Variants in MIA3 observed in about 807,000 individuals in gnomAD.
MIA3 encodes the protein transport and Golgi organization protein 1 homolog.
MIA3 carries 90 observed loss-of-function variants against 192.4 expected under a neutral mutation model. The ratio of observed to expected loss-of-function variants is 0.47; its 90% CI spans 0.39 to 0.56. The LOEUF (loss-of-function observed/expected upper bound fraction) is 0.56, where lower values mean the gene tolerates loss of function less well. MIA3 is among the 20% of genes least tolerant of loss of function. MIA3 has a pLI of 0.00. For synonymous variants in MIA3, 740 were observed against 792.8 expected, an observed-to-expected ratio of 0.93 and a Z score of 1.12; for missense variants, 2,123 against 2,269.4, an observed-to-expected ratio of 0.94 and a Z score of 1.31.
chr1:222,649,542 G>C (rs532351650), intron 8 of MIA3: 1 of 152,726 alleles, frequency 6.5e-6, no homozygotes, highest in South Asian at 2.1e-4. Flanking sequence ...CAAAGCGGAG[G>C]ATTGCTTGAG....
At chr1:222,641,221 C>T (rs1297983844) in intron 6 of MIA3, among the ~76,000 whole-genome samples, 1 of 152,196 alleles carries the variant, frequency 6.6e-6, no homozygotes, top group South Asian at 2.1e-4. Flanking sequence ...AAACATTTAC[C>T]TGAGACACAT....
chr1:222,629,274 A>G lies in MIA3; in HGVS notation c.2054A>G (p.Asp685Gly), dbSNP rs1662279177. ...IRLSEGEAKE[D>G]SLDEEFFHHK... is the part of the protein sequence containing the mutation. ...CTCTCTGAGGGAGAAGCCAAAGAGG[A>G]CTCCTTGGATGAAGAGTTTTTTCAT... Residue 685 changes from aspartate to glycine, a missense_variant, in exon 4 of 28, where the codon GAC becomes GGC. Physicochemically the swap from Asp to Gly is moderately conservative, Grantham distance 94. Around this residue, in one of 3 missense-constraint regions of MIA3, gnomAD observed 1,357 missense variants for 1,396.1 expected, o/e 0.97. Coordinates refer to ENST00000344922, the MANE Select transcript of MIA3 (RefSeq NM_198551.4). 9 of 1,613,996 alleles carry G rather than the reference A, an allele frequency of 5.6e-6. No individual in the cohort carries two copies. The highest frequency in any genetic ancestry group is 1.3e-5 in the African/African-American group (1 of 74,880).
rs752819054 is a variant in MIA3, at chr1:222,629,355, G to A, written c.2135G>A (p.Gly712Glu). 1.3e-5 allele frequency: 21 copies of A among 1,614,066 alleles called. No homozygotes were observed. In the Admixed American group the frequency reaches 3.3e-4, roughly 26 times the overall value. Residue 712 changes from glycine to glutamate, a missense_variant, in exon 4 of 28, where the codon GGA becomes GAA. Around this residue, in one of 3 missense-constraint regions of MIA3, gnomAD observed 1,357 missense variants for 1,396.1 expected, o/e 0.97. Coordinates refer to ENST00000344922, the MANE Select transcript of MIA3 (RefSeq NM_198551.4). The stretch of plus-strand genomic sequence containing the variant: ...CAGACAGACCAAACTGACAGCACAG[G>A]AGGACCAGCTTTCCTTTCTAAAGTA... ...VGQTDQTDSTGGPAFLSKVEE... is the reference protein window; with the variant it reads ...VGQTDQTDSTEGPAFLSKVEE...
intron 4 of MIA3, 97 bp downstream of exon 4, chr1:222,630,486 T>C: frequency 7.6e-7 from 1 of 1,311,606 alleles, no homozygotes; most frequent in South Asian, 1.4e-5. Flanking sequence ...CAGTTTCCAA[T>C]GTGCCTAAAG....
intron 6 of MIA3, among the ~76,000 whole-genome samples, chr1:222,643,710 G>A (rs1571885148): frequency 6.6e-6 from 1 of 151,910 alleles, no homozygotes; most frequent in East Asian, 1.9e-4. Context: ...CTTCTTAGAT[G>A]GCTTGAGCCC....
At chr1:222,640,938 T>C (rs1017310847) in intron 6 of MIA3, among the ~76,000 whole-genome samples, 2 of 152,212 alleles carry the variant, frequency 1.3e-5, no homozygotes, top group African/African-American at 2.4e-5. Flanking sequence ...AAGGAAGATA[T>C]ACCAATTGCA....
rs1662484357 is a variant in MIA3, at chr1:222,633,244, A to G, written c.3472A>G (p.Lys1158Glu). 1 of 1,599,682 alleles carries G rather than the reference A, an allele frequency of 6.3e-7. No individual in the cohort carries two copies. The highest frequency in any genetic ancestry group is 2.2e-5 in the East Asian group (1 of 44,836). Residue 1158 changes from lysine (K) to glutamate (E), a missense_variant, in exon 6 of 28, where the codon AAG becomes GAG. Transcript: ENST00000344922. ...ATATTCATTCATGTTTTATTTAACT[A>G]AGTCGGTAAGTTTAACATAGTTTTT... is the stretch of plus-strand genomic sequence containing the variant. ...LIYSFMFYLT[K>E]SLVATLPDDV...
Position 222,662,265 on chromosome 1 carries a change from G to A in MIA3, c.5195G>A (p.Gly1732Asp). Reference sequence around the variant, plus strand: ...TGGTCTTTAACAGATCCAGGATCTGGTACAGCTACCATGATGAACAGCAGC... The same window carrying A: ...TGGTCTTTAACAGATCCAGGATCTGATACAGCTACCATGATGAACAGCAGC... ...GKPSPSDPGS[G>D]TATMMNSSSR... is the part of the protein sequence containing the mutation. The change falls in exon 26 of 28, where the codon GGT (glycine) becomes GAT (aspartate). Residue 1732 changes from glycine (G) to aspartate (D), a missense_variant. Gly to Asp is a moderately conservative substitution (Grantham distance 94). Around this residue, in one of 3 missense-constraint regions of MIA3, gnomAD observed 762 missense variants for 856.4 expected, o/e 0.89. Coordinates refer to ENST00000344922, the MANE Select transcript of MIA3 (RefSeq NM_198551.4). 6.2e-7 allele frequency: 1 copy of A among 1,613,484 alleles called. No homozygotes were observed. The highest frequency in any genetic ancestry group is 8.5e-7 in the Non-Finnish European group (1 of 1,179,494).
At position 222,628,737 on chromosome 1, in the gene MIA3, C is replaced by G. The variant is rs746528728; in HGVS notation, c.1517C>G (p.Ser506Cys). 13 of 1,614,118 alleles carry G rather than the reference C, an allele frequency of 8.1e-6. No homozygotes were observed. The East Asian group carries it at 2.2e-4, about 28-fold the overall frequency. The change falls in exon 4 of 28, where the codon TCT becomes TGT. Residue 506 changes from serine (S) to cysteine (C), a missense_variant. Physicochemically the swap from Ser to Cys is moderately radical, Grantham distance 112. This residue lies in a region of MIA3 where 1,357 missense variants were observed against 1,396.1 expected (regional missense o/e 0.97). Coordinates refer to ENST00000344922, the MANE Select transcript of MIA3 (RefSeq NM_198551.4). The stretch of plus-strand genomic sequence containing the variant: ...TCTGTTCACAGCAATAACCTCAACT[C>G]TATGCCAGCTGCTGAAAAGGGTAAA... ...HSSVHSNNLNSMPAAEKGKDT... is the reference protein window; with the variant it reads ...HSSVHSNNLNCMPAAEKGKDT...
At chr1:222,662,470 C>A in intron 26 of MIA3, 138 bp downstream of exon 26, 1 of 1,497,102 alleles carries the variant, frequency 6.7e-7, no homozygotes, top group Non-Finnish European at 8.9e-7. Flanking sequence ...AACTGTTCTC[C>A]AAGAGCCTGA....
At position 222,665,326 on chromosome 1, in the gene MIA3, C is replaced by CCA. The variant is rs1664226536; in HGVS notation, c.5433_5434dup (p.Leu1812HisfsTer2). 2 of 1,612,500 alleles carry CCA rather than the reference C, an allele frequency of 1.2e-6. No individual in the cohort carries two copies. The highest frequency in any genetic ancestry group is 1.7e-6 in the Non-Finnish European group (2 of 1,179,250). The stretch of plus-strand genomic sequence containing the variant: ...TTTTCCAGGCCCTGGTATGCGTCCA[C>CCA]CACTAGGCTTAAGAGAATTTGCACC... On this transcript the variant is annotated frameshift_variant, in exon 28 of 28. Transcript: ENST00000344922. LOFTEE classifies it low-confidence loss of function (END_TRUNC).
rs758450204 is a variant in MIA3 at position 222,645,573 on chromosome 1, A to C, written c.3497A>C (p.Asp1166Ala). 1 of 1,612,052 alleles carries C rather than the reference A, an allele frequency of 6.2e-7. No individual in the cohort carries two copies. Among genetic ancestry groups the C allele is most frequent in the Admixed American group, 1.7e-5 (1 of 59,648 alleles). ...ATTCAGCTAGTTGCTACATTGCCTG[A>C]TGATGTTCAGCCTGGGCCTGATTTT... ...LTKSLVATLP[D>A]DVQPGPDFYG... Residue 1166 changes from aspartate to alanine, a missense_variant, in exon 7 of 28, where the codon GAT becomes GCT. Physicochemically the swap from Asp to Ala is moderately radical, Grantham distance 126. Transcript: ENST00000344922.
Position 222,627,622 on chromosome 1 carries a change from T to G in MIA3, c.402T>G (p.Asn134Lys). ...CFDGGRDDFH[N>K]YNVEELLGFL... ...ATGGAGGAAGAGATGATTTTCATAA[T>G]TATAATGTAGAAGAACTTTTAGGGT... is the stretch of plus-strand genomic sequence containing the variant. The change falls in exon 4 of 28, where the codon AAT (asparagine) becomes AAG (lysine). Residue 134 changes from asparagine to lysine, a missense_variant. This residue lies in a region of MIA3 where 1,357 missense variants were observed against 1,396.1 expected (regional missense o/e 0.97). Coordinates refer to ENST00000344922, the MANE Select transcript of MIA3 (RefSeq NM_198551.4). 1 of 1,584,902 alleles carries G rather than the reference T, an allele frequency of 6.3e-7. No homozygotes were observed. The highest frequency in any genetic ancestry group is 1.2e-5 in the South Asian group (1 of 85,078).
chr1:222,641,875 G>A lies in MIA3; in HGVS notation c.3478-3679G>A, dbSNP rs1662876685. 6.4e-6 allele frequency: 3 copies of A among 466,968 alleles called. No homozygotes were observed. In the Admixed American group the frequency reaches 7.3e-5, roughly 11 times the overall value. 28.9% of individuals were successfully genotyped at this position (466,968 alleles called of 1,614,324 possible). On this transcript the variant is annotated intron_variant, in intron 6 of 27. Transcript: ENST00000344922. ...AGTCTTGGAAGTTTTATTTATAAAA[G>A]CCTAAAACTGGAAAAAATCAAATAT...
intron 3 of MIA3, among the ~76,000 whole-genome samples, chr1:222,625,598 A>T (rs1662078734): frequency 6.6e-6 from 1 of 152,212 alleles, no homozygotes; most frequent in African/African-American, 2.4e-5. Flanking sequence ...ATAGATTTGG[A>T]AAAGGGAACC....
At chr1:222,641,593 A>T (rs1571882382) in intron 6 of MIA3, 4 of 524,196 alleles carry the variant, frequency 7.6e-6, no homozygotes, top group East Asian at 5.3e-5. Context: ...TATCTTATCT[A>T]CATAGTACCC....
intron 26 of MIA3, among the ~76,000 whole-genome samples, chr1:222,663,301 G>A (rs1286820197): frequency 3.3e-5 from 5 of 152,160 alleles, no homozygotes; most frequent in Non-Finnish European, 5.9e-5. Context: ...AGAGCAGCTT[G>A]GATAAGACCC....
rs1265995339 is a variant in MIA3 at position 222,653,272 on chromosome 1, A to G, written c.4254A>G (p.Glu1418=). The G allele has an allele frequency of 6.2e-7, 1 of 1,614,024 alleles. No individual in the cohort carries two copies. Among genetic ancestry groups the G allele is most frequent in the Non-Finnish European group, 8.5e-7 (1 of 1,179,886 alleles). ...CITQLNLLEC[E]SESEGQNKGG... ...CACAGTTGAATCTGTTAGAGTGTGA[A>G]TCTGAATCTGAGGGTCAAAATAAAG... is the stretch of plus-strand genomic sequence containing the variant. Residue 1418 remains glutamate (E), a synonymous_variant, in exon 15 of 28, where the codon GAA becomes GAG. Coordinates refer to ENST00000344922, the MANE Select transcript of MIA3 (RefSeq NM_198551.4).
Position 222,659,804 on chromosome 1 carries a change from A to G in MIA3, c.4874+3A>G. The stretch of plus-strand genomic sequence containing the variant: ...GAAGCTGCCAATTTGAGACACAAGT[A>G]TGTGGATTTTGATGGCTATATTTTC... On this transcript the variant is annotated splice_donor_region_variant and intron_variant, in intron 22 of 27. Coordinates refer to ENST00000344922, the MANE Select transcript of MIA3 (RefSeq NM_198551.4). The G allele has an allele frequency of 6.2e-7, 1 of 1,613,976 alleles. No homozygotes were observed. The highest frequency in any genetic ancestry group is 8.5e-7 in the Non-Finnish European group (1 of 1,179,874).
Sources: gnomAD v4.1 joint callset for allele counts (sites outside exome capture counted in the v4.1 genomes callset) on GRCh38, gnomAD v4.1.1 for gene constraint, gnomAD v4.1.1 regional missense constraint, MANE v1.5 for transcripts, NCBI Gene and HGNC (gene_info 2026-07-23, HGNC 2026-07-21) for gene names.